The following SIL1 variants were observed in gnomAD, a reference collection of about 807,000 sequenced individuals.
SIL1 encodes SIL1 nucleotide exchange factor.
Under a neutral mutation model 49.1 loss-of-function variants are expected in SIL1, and 40 were observed. The ratio of observed to expected loss-of-function variants is 0.81; its 90% CI spans 0.63 to 1.06. SIL1 has a LOEUF of 1.06. SIL1 is among the 50% of genes least tolerant of loss of function. SIL1 has a pLI of 0.00. For missense variants in SIL1, 500 were observed against 572.6 expected, an observed-to-expected ratio of 0.87 and a Z score of 1.29; for synonymous variants, 253 against 250.8, an observed-to-expected ratio of 1.01 and a Z score of -0.08.
intron 3 of SIL1, among the ~76,000 whole-genome samples, chr5:139,066,521 T>C (rs1178831644): frequency 6.6e-6 from 1 of 151,744 alleles, no homozygotes; most frequent in East Asian, 2.0e-4. Context: ...ATACATTATC[T>C]TTCCATCCTT....
chr5:138,997,401 A>C (rs1767893425), intron 7 of SIL1, among the ~76,000 whole-genome samples: 1 of 152,096 alleles, frequency 6.6e-6, no homozygotes, highest in African/African-American at 2.4e-5. Context: ...TCCTTTGCCC[A>C]TTGGATGTTC....
At chr5:139,059,860 C>T (rs935083389) in intron 3 of SIL1, among the ~76,000 whole-genome samples, 1 of 152,170 alleles carries the variant, frequency 6.6e-6, no homozygotes, top group Non-Finnish European at 1.5e-5. Flanking sequence ...ACTTCTTTCT[C>T]TAACACTGAG....
At chr5:139,109,276 T>C (rs1184322557) in intron 3 of SIL1, among the ~76,000 whole-genome samples, 1 of 152,288 alleles carries the variant, frequency 6.6e-6, no homozygotes, top group South Asian at 2.1e-4. Context: ...ACATCTACAA[T>C]TTAACCCAGT....
chr5:139,134,190 T>G (rs552283899), intron 1 of SIL1, among the ~76,000 whole-genome samples: 2 of 152,324 alleles, frequency 1.3e-5, no homozygotes, highest in Admixed American at 1.3e-4. Context: ...CAATCTCAGC[T>G]CACTGCAACC....
intron 3 of SIL1, among the ~76,000 whole-genome samples, chr5:139,110,839 A>C (rs1770824791): frequency 6.6e-6 from 1 of 152,230 alleles, no homozygotes; most frequent in South Asian, 2.1e-4. Context: ...AGCTCTCCAG[A>C]GCTTGCCAGA....
chr5:139,102,708 C>CT lies in SIL1; in HGVS notation c.244+18326dup, dbSNP rs66644479. Among the ~76,000 whole-genome samples the CT allele has an allele frequency of 4.9e-3, 679 of 137,966 alleles. 4 individuals are homozygous for CT. The highest frequency in any genetic ancestry group is 0.011 in the African/African-American group (407 of 37,668). 90.5% of individuals were successfully genotyped at this position (137,966 alleles called of 152,430 possible). On this transcript the variant is annotated intron_variant, in intron 3 of 9. Transcript: ENST00000394817. ...AACTAAGATCAAGGGCTGCTTTTTT[C>CT]TTTTTTTTTTTTTTTGTTTTTTGAG...
At chr5:138,972,969 G>A (rs1355215783) in intron 7 of SIL1, among the ~76,000 whole-genome samples, 1 of 152,098 alleles carries the variant, frequency 6.6e-6, no homozygotes, top group Non-Finnish European at 1.5e-5. Context: ...CCAGTGATGG[G>A]GGTAGAGAAG....
intron 7 of SIL1, among the ~76,000 whole-genome samples, chr5:139,007,485 T>C (rs1242494052): frequency 2.3e-4 from 24 of 104,916 alleles, no homozygotes; most frequent in African/African-American, 1.0e-3. Flanking sequence ...TGGCCAGAAC[T>C]TCCAACACTA....
At chr5:138,987,929 C>T (rs1394775614) in intron 7 of SIL1, among the ~76,000 whole-genome samples, 2 of 152,152 alleles carry the variant, frequency 1.3e-5, no homozygotes, top group Non-Finnish European at 1.5e-5. Context: ...ATCCATCTCC[C>T]GGGTTCAAGC....
At chr5:139,039,392 G>T (rs539513936) in intron 5 of SIL1, among the ~76,000 whole-genome samples, 75 of 152,236 alleles carry the variant, frequency 4.9e-4, no homozygotes, top group Admixed American at 1.8e-3. Context: ...ATTATCTTTG[G>T]CAGGAGTTGG....
At chr5:139,040,059 A>G (rs1769004604) in intron 5 of SIL1, among the ~76,000 whole-genome samples, 1 of 122,630 alleles carries the variant, frequency 8.2e-6, no homozygotes, top group African/African-American at 3.7e-5. Context: ...ATGGCCGAAT[A>G]TCTGACAGTA....
chr5:139,118,006 C>T (rs185192111), intron 3 of SIL1, among the ~76,000 whole-genome samples: 9 of 152,298 alleles, frequency 5.9e-5, no homozygotes, highest in Non-Finnish European at 1.2e-4. Flanking sequence ...CAGCTGTGGT[C>T]CTCCCTTAAG....
In SIL1 at chr5:139,021,944, C is replaced by T. The variant is rs1472005547; in HGVS notation, c.646-652G>A. On this transcript the variant is annotated intron_variant, in intron 6 of 9. Transcript: ENST00000394817. ...TGGCTATGTATCAGACAGTGCAGAA[C>T]ATTTCTATCATTACATAAAGTTCTA... 3 of 159,548 alleles carry T rather than the reference C, an allele frequency of 1.9e-5. No individual in the cohort carries two copies. The East Asian group carries it at 5.5e-4, about 29-fold the overall frequency. The allele number at this position is 159,548 out of a possible 1,614,324, so 9.9% of individuals were successfully genotyped here. A position where few individuals can be genotyped will look rare whatever the true frequency, so the allele number is the denominator to read the frequency against.
intron 7 of SIL1, among the ~76,000 whole-genome samples, chr5:138,991,208 G>A (rs1767752818): frequency 6.6e-6 from 1 of 152,252 alleles, no homozygotes; most frequent in Non-Finnish European, 1.5e-5. Context: ...GGGCACCAGG[G>A]CCAGCTATAA....
intron 5 of SIL1, among the ~76,000 whole-genome samples, chr5:139,038,751 G>A: frequency 6.6e-6 from 1 of 152,170 alleles, no homozygotes; most frequent in East Asian, 1.9e-4. Context: ...GGAGAATCGA[G>A]CACTGTTTCA....
At chr5:139,008,348 CTCTT>C (rs1347305779) in intron 7 of SIL1, among the ~76,000 whole-genome samples, 34 of 142,776 alleles carry the variant, frequency 2.4e-4, no homozygotes, top group African/African-American at 8.6e-4. Flanking sequence ...TGATTCTTCT[CTCTT>C]TTTTTCTTTA....
In SIL1 at chr5:139,026,786, GAAGA is replaced by G; in HGVS notation, c.645+11_645+14del. 6.2e-7 allele frequency: 1 copy of G among 1,613,344 alleles called. No homozygotes were observed. Among genetic ancestry groups the G allele is most frequent in the Non-Finnish European group, 8.5e-7 (1 of 1,179,414 alleles). On this transcript the variant is annotated intron_variant, in intron 6 of 9. Transcript: ENST00000394817. ...GCTGTTAAAAGTCTGACTTATGGAC[GAAGA>G]AATACAGTACCTGATGGACATAATA...
intron 1 of SIL1, among the ~76,000 whole-genome samples, chr5:139,182,945 G>A (rs1413554696): frequency 2.0e-5 from 3 of 152,214 alleles, no homozygotes; most frequent in Admixed American, 6.5e-5. Flanking sequence ...TCCTACAGAG[G>A]AGAGATGCTC....
chr5:138,972,566 C>G (rs1767302373), intron 7 of SIL1, among the ~76,000 whole-genome samples: 1 of 152,176 alleles, frequency 6.6e-6, no homozygotes, highest in Non-Finnish European at 1.5e-5. Flanking sequence ...CTCCTCCTTC[C>G]CACTTGTTCC....
Sources: allele counts gnomAD v4.1 joint callset (sites outside exome capture counted in the v4.1 genomes callset), GRCh38; gene constraint gnomAD v4.1.1; transcripts MANE v1.5; gene names NCBI Gene and HGNC (gene_info 2026-07-23, HGNC 2026-07-21).